Variants in MECOM observed in about 807,000 individuals in gnomAD.
MECOM encodes the protein MDS1 and EVI1 complex locus.
Under a neutral mutation model 116.3 loss-of-function variants are expected in MECOM, and 13 were observed. That is an observed-to-expected ratio of 0.11 (90% CI 0.07 to 0.18). The LOEUF (loss-of-function observed/expected upper bound fraction) is 0.18. Among genes scored for constraint, MECOM ranks in the 10% least tolerant of loss-of-function variants. The pLI is 1.00. For missense variants in MECOM, 1,299 were observed against 1,509.0 expected, an observed-to-expected ratio of 0.86 and a Z score of 2.31; for synonymous variants, 528 against 535.2, an observed-to-expected ratio of 0.99 and a Z score of 0.19.
In MECOM at chr3:169,411,050, A is replaced by G. The variant is rs189095426; in HGVS notation, c.38-29526T>C. On this transcript the variant is annotated intron_variant, in intron 1 of 16. Transcript: ENST00000651503. ...TGTCTATCTCCATATGAATATATGC[A>G]TATACATAGGTTTGTGTGTGTGTCT... 3.9e-5 allele frequency among the ~76,000 whole-genome samples: 6 copies of G among 152,276 alleles called. No individual in the cohort carries two copies. The East Asian group carries it at 9.7e-4, about 25-fold the overall frequency.
chr3:169,614,623 A>T lies in MECOM; in HGVS notation c.37+48713T>A, dbSNP rs113271538. On this transcript the variant is annotated intron_variant, in intron 1 of 16. Coordinates refer to ENST00000651503, the MANE Select transcript of MECOM (RefSeq NM_004991.4). ...TATCACTACTAAAGAAATAAGCTAC[A>T]ACCATGTATTATGTAATTAAACAGG... is the stretch of plus-strand genomic sequence containing the variant. 9.8e-3 allele frequency among the ~76,000 whole-genome samples: 1,497 copies of T among 152,264 alleles called. 17 individuals are homozygous for T. Among genetic ancestry groups the T allele is most frequent in the Non-Finnish European group, 0.017 (1,158 of 68,010 alleles).
intron 8 of MECOM, among the ~76,000 whole-genome samples, chr3:169,114,998 T>C (rs766240607): frequency 1.3e-5 from 2 of 152,124 alleles, no homozygotes; most frequent in African/African-American, 2.4e-5. Context: ...ATCCCCCCCA[T>C]TCCAAAGAAC....
At chr3:169,641,182 C>T (rs1773440275) in intron 1 of MECOM, among the ~76,000 whole-genome samples, 1 of 152,240 alleles carries the variant, frequency 6.6e-6, no homozygotes, top group South Asian at 2.1e-4. Flanking sequence ...GTGAAAAACC[C>T]AGAACAGAGC....
chr3:169,089,897 AAT>A (rs146772249), intron 15 of MECOM, 101 bp downstream of exon 15: 130,928 of 1,497,558 alleles, frequency 0.087, 7,912 homozygotes, highest in South Asian at 0.26. Context: ...ATTCAAGTTT[AAT>A]TTTTGTGATT....
chr3:169,124,247 G>T (rs1318200590), intron 5 of MECOM, among the ~76,000 whole-genome samples: 1 of 152,032 alleles, frequency 6.6e-6, no homozygotes, highest in Non-Finnish European at 1.5e-5. Flanking sequence ...AATTAGAGGG[G>T]ATAGAGAAAG....
chr3:169,165,666 C>G (rs188026652), intron 2 of MECOM, among the ~76,000 whole-genome samples: 202 of 152,248 alleles, frequency 1.3e-3, no homozygotes, highest in Non-Finnish European at 2.5e-3. Flanking sequence ...GCTAACAAAA[C>G]TGTATGCTAG....
intron 1 of MECOM, among the ~76,000 whole-genome samples, chr3:169,545,673 T>A (rs1760638729): frequency 6.6e-6 from 1 of 152,208 alleles, no homozygotes; most frequent in African/African-American, 2.4e-5. Context: ...AGAAGACATC[T>A]CTGTCCTGGT....
chr3:169,591,226 A>C (rs1766364783), intron 1 of MECOM, among the ~76,000 whole-genome samples: 1 of 152,208 alleles, frequency 6.6e-6, no homozygotes, highest in South Asian at 2.1e-4. Flanking sequence ...TCAATAACAG[A>C]ATCCTTTTGT....
chr3:169,479,740 C>G (rs1751012814), intron 1 of MECOM, among the ~76,000 whole-genome samples: 2 of 149,798 alleles, frequency 1.3e-5, no homozygotes, highest in Non-Finnish European at 3.0e-5. Flanking sequence ...ACCACTAAAA[C>G]TCATGCCTAA....
intron 2 of MECOM, among the ~76,000 whole-genome samples, chr3:169,150,109 TA>T (rs1740961120): frequency 6.6e-6 from 1 of 152,004 alleles, no homozygotes; most frequent in Non-Finnish European, 1.5e-5. Flanking sequence ...TCACACAACT[TA>T]AAGTTTAAAG....
intron 1 of MECOM, among the ~76,000 whole-genome samples, chr3:169,493,876 G>C (rs142787265): frequency 5.8e-4 from 89 of 152,184 alleles, no homozygotes; most frequent in African/African-American, 2.1e-3. Context: ...AGGAACCATA[G>C]AGAGATTGAC....
chr3:169,143,958 C>A, intron 2 of MECOM, 126 bp from the exon 3 acceptor site: 1 of 1,113,216 alleles, frequency 9.0e-7, no homozygotes, highest in South Asian at 2.2e-5. Flanking sequence ...AGTCAGATCA[C>A]AAGCACATTA....
chr3:169,387,412 T>G (rs1486315699), intron 1 of MECOM, among the ~76,000 whole-genome samples: 2 of 152,240 alleles, frequency 1.3e-5, no homozygotes, highest in African/African-American at 4.8e-5. Flanking sequence ...ATTTGTTTCT[T>G]TTGGCCTTTC....
chr3:169,121,689 A>T (rs917029351), intron 6 of MECOM, among the ~76,000 whole-genome samples: 2 of 152,236 alleles, frequency 1.3e-5, no homozygotes, highest in Non-Finnish European at 2.9e-5. Context: ...GCAAGCTAAA[A>T]CCATTCCTTT....
intron 7 of MECOM, 130 bp downstream of exon 7, chr3:169,120,926 C>T (rs1730811614): frequency 1.2e-5 from 10 of 832,696 alleles, no homozygotes; most frequent in Non-Finnish European, 1.8e-5. Context: ...ATAAATAGCC[C>T]TACTGGATTG....
intron 2 of MECOM, among the ~76,000 whole-genome samples, chr3:169,240,697 A>T (rs1214001215): frequency 6.6e-6 from 1 of 152,174 alleles, no homozygotes; most frequent in East Asian, 1.9e-4. Flanking sequence ...TAAAGTCATG[A>T]AATGGGACAA....
intron 1 of MECOM, among the ~76,000 whole-genome samples, chr3:169,625,045 A>G (rs1399890355): frequency 6.6e-6 from 1 of 151,976 alleles, no homozygotes; most frequent in Non-Finnish European, 1.5e-5. Flanking sequence ...AAAAAAAAAA[A>G]AAAAGAAAGG....
At chr3:169,102,256 C>A (rs747895751) in intron 10 of MECOM, 30 bp from the exon 11 acceptor site, 8 of 1,577,568 alleles carry the variant, frequency 5.1e-6, no homozygotes, top group African/African-American at 1.4e-5. Flanking sequence ...GACCATGAAG[C>A]GTTTGGCATC....
At chr3:169,396,958 G>C (rs997625237) in intron 1 of MECOM, among the ~76,000 whole-genome samples, 1 of 152,112 alleles carries the variant, frequency 6.6e-6, no homozygotes, top group African/African-American at 2.4e-5. Context: ...GGGTGACAGA[G>C]TGAGACTTCA....
Sources: gnomAD v4.1 joint callset for allele counts (sites outside exome capture counted in the v4.1 genomes callset) on GRCh38, gnomAD v4.1.1 for gene constraint, MANE v1.5 for transcripts, NCBI Gene and HGNC (gene_info 2026-07-23, HGNC 2026-07-21) for gene names.